Variants in MGAT4C observed in about 807,000 individuals in gnomAD.
MGAT4C encodes alpha-1,3-mannosyl-glycoprotein 4-beta-N-acetylglucosaminyltransferase C.
In MGAT4C, 19 loss-of-function variants were observed where a neutral mutation model predicts 40.1. That is an observed-to-expected ratio of 0.47 (90% CI 0.33 to 0.70). MGAT4C has a LOEUF of 0.70. MGAT4C is among the 30% of genes least tolerant of loss of function. The pLI, the probability that MGAT4C is intolerant of heterozygous loss-of-function variation, is 0.02. For missense variants in MGAT4C, 491 were observed against 563.2 expected (o/e 0.87, Z 1.30); for synonymous variants, 181 against 187.1 (o/e 0.97, Z 0.27).
At chr12:86,582,348 A>C (rs1292539470) in intron 2 of MGAT4C, among the ~76,000 whole-genome samples, 1 of 151,320 alleles carries the variant, frequency 6.6e-6, no homozygotes, top group Non-Finnish European at 1.5e-5. Flanking sequence ...AAAATATTTT[A>C]GCCTTAGGTG....
chr12:86,433,757 A>G (rs1957088394), intron 3 of MGAT4C, among the ~76,000 whole-genome samples: 1 of 152,028 alleles, frequency 6.6e-6, no homozygotes, highest in African/African-American at 2.4e-5. Flanking sequence ...ATTAAAGCAT[A>G]GAATTATTTT....
intron 1 of MGAT4C, among the ~76,000 whole-genome samples, chr12:86,805,630 A>T (rs971084689): frequency 2.0e-5 from 3 of 151,934 alleles, no homozygotes; most frequent in African/African-American, 4.8e-5. Context: ...ATAGGCACCT[A>T]GGTTGATTTC....
intron 1 of MGAT4C, among the ~76,000 whole-genome samples, chr12:86,781,293 T>C (rs968959819): frequency 1.3e-5 from 2 of 152,148 alleles, no homozygotes. Flanking sequence ...GTAATCATTC[T>C]TTTTTCTCCT....
intron 2 of MGAT4C, among the ~76,000 whole-genome samples, chr12:86,462,946 G>A (rs567280348): frequency 9.0e-5 from 13 of 143,668 alleles, no homozygotes; most frequent in African/African-American, 1.3e-4. Context: ...ACACTCTCAC[G>A]GACACAACCA....
intron 2 of MGAT4C, among the ~76,000 whole-genome samples, chr12:86,713,975 T>A (rs1372111953): frequency 6.6e-6 from 1 of 152,162 alleles, no homozygotes; most frequent in Non-Finnish European, 1.5e-5. Context: ...GGTTTGCACA[T>A]AGTATGTTTT....
intron 2 of MGAT4C, among the ~76,000 whole-genome samples, chr12:86,025,360 A>G (rs927893167): frequency 6.6e-6 from 1 of 151,732 alleles, no homozygotes; most frequent in Non-Finnish European, 1.5e-5. Flanking sequence ...TCGAAACATC[A>G]TTGATTCATG....
At chr12:86,519,142 C>T (rs1958747846) in intron 2 of MGAT4C, among the ~76,000 whole-genome samples, 1 of 152,094 alleles carries the variant, frequency 6.6e-6, no homozygotes, top group African/African-American at 2.4e-5. Context: ...GCATAAAATT[C>T]ATCAGACATT....
intron 1 of MGAT4C, among the ~76,000 whole-genome samples, chr12:86,788,729 A>G (rs1239060497): frequency 1.3e-5 from 2 of 152,182 alleles, no homozygotes; most frequent in Non-Finnish European, 2.9e-5. Context: ...AGATGGAATA[A>G]AAATTCAAAA....
chr12:86,516,707 G>T (rs772835598), intron 2 of MGAT4C, among the ~76,000 whole-genome samples: 1 of 152,108 alleles, frequency 6.6e-6, no homozygotes. Flanking sequence ...GAAAATGTTT[G>T]CAAATCCTGT....
At chr12:86,236,548 T>A (rs1440661544) in intron 1 of MGAT4C, among the ~76,000 whole-genome samples, 1 of 151,966 alleles carries the variant, frequency 6.6e-6, no homozygotes, top group Admixed American at 6.6e-5. Context: ...AAGTTAAACA[T>A]CATTGCTAAT....
chr12:86,077,296 T>A (rs1311166598), intron 1 of MGAT4C, among the ~76,000 whole-genome samples: 1 of 152,190 alleles, frequency 6.6e-6, no homozygotes, highest in Non-Finnish European at 1.5e-5. Context: ...ATATCTGACA[T>A]AATACAACTA....
chr12:86,665,189 G>A (rs777662224), intron 2 of MGAT4C, among the ~76,000 whole-genome samples: 20 of 152,202 alleles, frequency 1.3e-4, no homozygotes, highest in South Asian at 4.1e-4. Flanking sequence ...CACAGCATAA[G>A]TAGTGTAATC....
chr12:86,712,239 C>A (rs556376196), intron 2 of MGAT4C, among the ~76,000 whole-genome samples: 1 of 151,904 alleles, frequency 6.6e-6, no homozygotes, highest in Non-Finnish European at 1.5e-5. Flanking sequence ...TGTATACATA[C>A]AGAATTTATG....
intron 1 of MGAT4C, among the ~76,000 whole-genome samples, chr12:86,831,904 C>T (rs1002581225): frequency 6.6e-6 from 1 of 151,764 alleles, no homozygotes; most frequent in African/African-American, 2.4e-5. Context: ...GATTATATTT[C>T]TTGTATTGTA....
intron 1 of MGAT4C, among the ~76,000 whole-genome samples, chr12:86,061,440 C>A (rs1413385140): frequency 6.6e-6 from 1 of 151,538 alleles, no homozygotes; most frequent in Non-Finnish European, 1.5e-5. Context: ...GCAGTTTGGA[C>A]AGACACTGAG....
At chr12:86,397,069 C>A (rs1205756656) in intron 3 of MGAT4C, among the ~76,000 whole-genome samples, 1 of 125,658 alleles carries the variant, frequency 8.0e-6, no homozygotes, top group South Asian at 2.7e-4. Context: ...TGGAGGCCTG[C>A]ATTTTATTAT....
intron 2 of MGAT4C, among the ~76,000 whole-genome samples, chr12:86,557,036 A>C (rs2136403471): frequency 6.6e-6 from 1 of 152,288 alleles, no homozygotes; most frequent in South Asian, 2.1e-4. Flanking sequence ...TAAAAACATC[A>C]GTTTTGAGAG....
At chr12:86,446,459 G>A (rs927617525) in intron 2 of MGAT4C, among the ~76,000 whole-genome samples, 10 of 151,216 alleles carry the variant, frequency 6.6e-5, no homozygotes, top group Non-Finnish European at 1.2e-4. Context: ...CTTAGAGAAA[G>A]CAACCAGCTG....
Position 86,359,414 on chromosome 12 carries a change from G to C in MGAT4C, c.-119-25287C>G, listed in dbSNP as rs1043413652. Among the ~76,000 whole-genome samples the C allele has an allele frequency of 3.9e-5, 6 of 151,940 alleles. No homozygotes were observed. The East Asian group carries it at 1.2e-3, about 29-fold the overall frequency. On this transcript the variant is annotated intron_variant, in intron 3 of 7. Coordinates refer to the MGAT4C transcript ENST00000548651. ...TGACACCCTAACATCACAATTAAAA[G>C]AACTAGAGAAGCAAGAGCAAACACA...
Sources: allele counts gnomAD v4.1 joint callset (sites outside exome capture counted in the v4.1 genomes callset), GRCh38; gene constraint gnomAD v4.1.1; transcripts MANE v1.5; gene names NCBI Gene and HGNC (gene_info 2026-07-23, HGNC 2026-07-21).